The following ZBTB20 variants were observed in gnomAD, a reference collection of about 807,000 sequenced individuals.
The protein encoded by ZBTB20 is zinc finger and BTB domain containing 20, also known as zinc finger and BTB domain-containing protein 20.
Under a neutral mutation model 56.9 loss-of-function variants are expected in ZBTB20, and 9 were observed. The ratio of observed to expected loss-of-function variants is 0.16; its 90% confidence interval spans 0.10 to 0.28. The LOEUF is 0.28. Among genes scored for constraint, ZBTB20 ranks in the 10% least tolerant of loss-of-function variants. The pLI is 1.00. For missense variants in ZBTB20, 655 were observed against 1,003.0 expected (o/e 0.65, Z 4.69); for synonymous variants, 417 against 420.7 (o/e 0.99, Z 0.11).
At chr3:114,844,327 G>C (rs1384472286) in intron 4 of ZBTB20, among the ~76,000 whole-genome samples, 1 of 74,428 alleles carries the variant, frequency 1.3e-5, no homozygotes, top group Non-Finnish European at 2.3e-5. Context: ...AATTACTGGA[G>C]TAAATATATA....
chr3:114,555,435 T>C (rs1005579267), intron 6 of ZBTB20, among the ~76,000 whole-genome samples: 6 of 152,036 alleles, frequency 3.9e-5, no homozygotes, highest in African/African-American at 1.2e-4. Flanking sequence ...ATCCATTGCT[T>C]TGAAGCACAT....
At chr3:114,726,490 C>T (rs1469651563) in intron 5 of ZBTB20, among the ~76,000 whole-genome samples, 1 of 152,164 alleles carries the variant, frequency 6.6e-6, no homozygotes, top group Non-Finnish European at 1.5e-5. Context: ...TGTTCAAATA[C>T]AAATTGCTGT....
intron 5 of ZBTB20, among the ~76,000 whole-genome samples, chr3:114,737,183 G>C (rs1031539109): frequency 2.0e-5 from 3 of 152,088 alleles, no homozygotes; most frequent in Non-Finnish European, 4.4e-5. Context: ...TGACACAAAA[G>C]TTTGTGTTTT....
At chr3:114,921,537 A>C (rs1439591393) in intron 3 of ZBTB20, among the ~76,000 whole-genome samples, 1 of 152,064 alleles carries the variant, frequency 6.6e-6, no homozygotes, top group Admixed American at 6.5e-5. Context: ...AACTCATTTC[A>C]AGGCCAGCAT....
chr3:114,860,025 A>G (rs1315716090), intron 4 of ZBTB20, among the ~76,000 whole-genome samples: 2 of 152,152 alleles, frequency 1.3e-5, no homozygotes, highest in Admixed American at 1.3e-4. Flanking sequence ...TTCTGAAATT[A>G]CAGCCGGGCG....
intron 5 of ZBTB20, among the ~76,000 whole-genome samples, chr3:114,746,558 A>G (rs1443961810): frequency 6.6e-6 from 1 of 152,034 alleles, no homozygotes; most frequent in Non-Finnish European, 1.5e-5. Context: ...TCTTCCCTTT[A>G]TTGATTTCTT....
At chr3:115,067,502 T>C (rs1272028119) in intron 2 of ZBTB20, among the ~76,000 whole-genome samples, 1 of 151,640 alleles carries the variant, frequency 6.6e-6, no homozygotes, top group African/African-American at 2.4e-5. Context: ...CAGTGAAAAT[T>C]TTCAACATAA....
rs1228808698 is a variant in ZBTB20, at chr3:114,332,961, C to T, written c.*6044G>A. 1 of 152,134 alleles carries T rather than the reference C, an allele frequency of 6.6e-6. No homozygotes were observed. Among genetic ancestry groups the T allele is most frequent in the Non-Finnish European group, 1.5e-5 (1 of 68,018 alleles). The allele number at this position is 152,134 out of a possible 1,614,324, so 9.4% of individuals were successfully genotyped here. A position where few individuals can be genotyped will look rare whatever the true frequency, so the allele number is the denominator to read the frequency against. On this transcript the variant is annotated 3_prime_UTR_variant, in exon 12 of 12. Coordinates refer to ENST00000675478, the MANE Select transcript of ZBTB20 (RefSeq NM_001348800.3). Reference sequence around the variant, plus strand: ...GAAAAAGAACCCACACTAGGTAGCCCTAATTTTCTATCTCTTCACTCTAAA... The same window carrying T: ...GAAAAAGAACCCACACTAGGTAGCCTTAATTTTCTATCTCTTCACTCTAAA...
chr3:114,491,725 T>C (rs1166733899), intron 7 of ZBTB20, among the ~76,000 whole-genome samples: 12 of 152,208 alleles, frequency 7.9e-5, no homozygotes, highest in Admixed American at 6.5e-4. Flanking sequence ...AAAATACTAG[T>C]GTTTCCATGC....
chr3:114,864,505 T>C (rs1336391672), intron 4 of ZBTB20, among the ~76,000 whole-genome samples: 2 of 151,854 alleles, frequency 1.3e-5, no homozygotes, highest in Non-Finnish European at 2.9e-5. Context: ...TTTTTGGCAA[T>C]TGACATGAAC....
At chr3:114,733,361 G>A (rs563002939) in intron 5 of ZBTB20, among the ~76,000 whole-genome samples, 6 of 152,262 alleles carry the variant, frequency 3.9e-5, no homozygotes, top group Non-Finnish European at 7.4e-5. Flanking sequence ...GAGTGTGCCT[G>A]CTTCTGCACA....
At chr3:114,355,609 C>T (rs2081170407) in intron 10 of ZBTB20, among the ~76,000 whole-genome samples, 1 of 152,138 alleles carries the variant, frequency 6.6e-6, no homozygotes, top group Non-Finnish European at 1.5e-5. Flanking sequence ...CACAGCAAGG[C>T]AAAGTCCAGG....
intron 7 of ZBTB20, among the ~76,000 whole-genome samples, chr3:114,476,773 T>C (rs552342023): frequency 7.9e-5 from 12 of 152,332 alleles, no homozygotes; most frequent in Admixed American, 5.2e-4. Context: ...ACACAAGAAC[T>C]TTTGGAGACA....
intron 7 of ZBTB20, among the ~76,000 whole-genome samples, chr3:114,453,066 T>G (rs564448402): frequency 6.6e-6 from 1 of 152,308 alleles, no homozygotes; most frequent in East Asian, 1.9e-4. Context: ...GTTTACTACA[T>G]TTTACACATA....
intron 6 of ZBTB20, among the ~76,000 whole-genome samples, chr3:114,659,573 C>T (rs889422134): frequency 2.6e-5 from 4 of 152,132 alleles, no homozygotes; most frequent in East Asian, 1.9e-4. Flanking sequence ...CTGTGAACCA[C>T]GGCAAATCTA....
At chr3:114,463,296 T>C (rs894309616) in intron 7 of ZBTB20, among the ~76,000 whole-genome samples, 1 of 152,212 alleles carries the variant, frequency 6.6e-6, no homozygotes, top group African/African-American at 2.4e-5. Flanking sequence ...TACAGACATA[T>C]TGGGTACGGT....
chr3:114,403,064 G>C (rs2086964909), intron 7 of ZBTB20, among the ~76,000 whole-genome samples: 3 of 152,162 alleles, frequency 2.0e-5, no homozygotes, highest in South Asian at 4.1e-4. Context: ...CTGACGTGTA[G>C]ATCATCATAA....
chr3:114,584,138 CAAAT>C (rs1221221625), intron 6 of ZBTB20, among the ~76,000 whole-genome samples: 3 of 152,020 alleles, frequency 2.0e-5, no homozygotes, highest in East Asian at 3.9e-4. Context: ...AATAAATAGA[CAAAT>C]AAATGATCAA....
In ZBTB20 at chr3:115,049,765, T is replaced by C. The variant is rs193301490; in HGVS notation, c.-507+21454A>G. ...TTATGGGCCACACTTCCAATTACTT[T>C]CTTATAAACAACAAAGTAGTATTTA... On this transcript the variant is annotated intron_variant, in intron 2 of 11. Coordinates refer to ENST00000675478, the MANE Select transcript of ZBTB20 (RefSeq NM_001348800.3). 3.5e-3 allele frequency among the ~76,000 whole-genome samples: 537 copies of C among 152,258 alleles called. 3 individuals carry two copies. Among genetic ancestry groups the C allele is most frequent in the African/African-American group, 0.012 (510 of 41,568 alleles).
Sources: allele counts gnomAD v4.1 joint callset (sites outside exome capture counted in the v4.1 genomes callset), GRCh38; gene constraint gnomAD v4.1.1; transcripts MANE v1.5; gene names NCBI Gene and HGNC (gene_info 2026-07-23, HGNC 2026-07-21).